The following GCC1 variants were observed in gnomAD, a reference collection of about 807,000 sequenced individuals.
The protein encoded by GCC1 is GRIP and coiled-coil domain containing 1, also known as GRIP and coiled-coil domain-containing protein 1.
GCC1 carries 36 observed loss-of-function variants against 62.5 expected under a neutral mutation model. The ratio of observed to expected loss-of-function variants is 0.58; its 90% confidence interval spans 0.44 to 0.76. The LOEUF (loss-of-function observed/expected upper bound fraction) is 0.76. Ranked by LOEUF, GCC1 falls within the 30% of genes least tolerant of loss-of-function variation. GCC1 has a pLI of 0.00. For missense variants in GCC1, 885 were observed against 948.3 expected, an observed-to-expected ratio of 0.93 and a Z score of 0.88; for synonymous variants, 391 against 386.8, an observed-to-expected ratio of 1.01 and a Z score of -0.13.
rs775013517 is a variant in GCC1, at chr7:127,584,994, G to A, written c.189C>T (p.His63=). Residue 63 remains histidine (H), a synonymous_variant, in exon 1 of 2, where the codon CAC becomes CAT. Coordinates refer to ENST00000321407, the MANE Select transcript of GCC1 (RefSeq NM_024523.6). ...EASIKVLSVS[H]EADVGLAGVQ... ...CACCTGCGAGGCCCACATCTGCCTC[G>A]TGGGATACCGACAGCACCTTGATGC... The A allele has an allele frequency of 1.2e-6, 2 of 1,614,214 alleles. No homozygotes were observed. The highest frequency in any genetic ancestry group is 2.2e-5 in the East Asian group (1 of 44,888).
At position 127,583,180 on chromosome 7, in the gene GCC1, G is replaced by T. The variant is rs1229630553; in HGVS notation, c.1162C>A (p.Gln388Lys). 2.5e-6 allele frequency: 4 copies of T among 1,613,844 alleles called. No individual in the cohort carries two copies. In the South Asian group the frequency reaches 3.3e-5, roughly 13 times the overall value. ...TCCTTCAGCTTCTGAATGGCCAGCT[G>T]GTCCTTCTGCTTGGCTTTCTCGTAG... ...GTYEKAKQKD[Q>K]LAIQKLKERI... Residue 388 changes from glutamine to lysine, a missense_variant, in exon 2 of 2, where the codon CAG (glutamine) becomes AAG (lysine). Transcript: ENST00000321407.
In GCC1 at chr7:127,580,887, G is replaced by C. The variant is rs954025705; in HGVS notation, c.*1127C>G. On this transcript the variant is annotated 3_prime_UTR_variant, in exon 2 of 2. Transcript: ENST00000321407. ...AGTAACAGTAGTTGGGAGAAAAGAA[G>C]GAATAAAGAAACTGAGTTTTCTGAG... is the stretch of plus-strand genomic sequence containing the variant. The C allele has an allele frequency of 2.0e-5, 3 of 152,158 alleles. No individual in the cohort carries two copies. The highest frequency in any genetic ancestry group is 7.2e-5 in the African/African-American group (3 of 41,438). The allele number at this position is 152,158 out of a possible 1,614,324, so 9.4% of individuals were successfully genotyped here.
chr7:127,585,236 C>A lies in GCC1; in HGVS notation c.-54G>T. Reference sequence around the variant, plus strand: ...AGCTTTCCAGCAGAACGGGAGAGGGCCGTGAAGACGCAGGCGGGGGCTTAA... The same window carrying A: ...AGCTTTCCAGCAGAACGGGAGAGGGACGTGAAGACGCAGGCGGGGGCTTAA... On this transcript the variant is annotated 5_prime_UTR_variant, in exon 1 of 2. Coordinates refer to ENST00000321407, the MANE Select transcript of GCC1 (RefSeq NM_024523.6). 1 of 1,489,256 alleles carries A rather than the reference C, an allele frequency of 6.7e-7. No individual in the cohort carries two copies. Among genetic ancestry groups the A allele is most frequent in the Non-Finnish European group, 9.0e-7 (1 of 1,112,622 alleles). 92.3% of individuals were successfully genotyped at this position (1,489,256 alleles called of 1,614,324 possible).
rs778057410 is a variant in GCC1, at chr7:127,582,298, G to A, written c.2044C>T (p.His682Tyr). 1.2e-6 allele frequency: 2 copies of A among 1,614,224 alleles called. No individual in the cohort carries two copies. The highest frequency in any genetic ancestry group is 8.5e-7 in the Non-Finnish European group (1 of 1,180,042). Reference sequence around the variant, plus strand: ...TCCAGCAGCCGATCCTGCAGCTGATGCACCTCGACCTCCAGCCTGTGCTTC... The same window carrying A: ...TCCAGCAGCCGATCCTGCAGCTGATACACCTCGACCTCCAGCCTGTGCTTC... ...KQKHRLEVEV[H>Y]QLQDRLLEEG... is the part of the protein sequence containing the mutation. Residue 682 changes from histidine (H) to tyrosine (Y), a missense_variant, in exon 2 of 2, where the codon CAT (histidine) becomes TAT (tyrosine). Physicochemically the swap from His to Tyr is moderately conservative, Grantham distance 83. Coordinates refer to ENST00000321407, the MANE Select transcript of GCC1 (RefSeq NM_024523.6). The surrounding 1 kb of genome is among the most constrained non-coding windows in gnomAD (Gnocchi z 4.8).
rs1794191272 is a variant in GCC1 at position 127,585,420 on chromosome 7, T to G, written c.-238A>C. On this transcript the variant is annotated 5_prime_UTR_variant, in exon 1 of 2. Coordinates refer to ENST00000321407, the MANE Select transcript of GCC1 (RefSeq NM_024523.6). ...TTCTACCCCGGAGGCGGGGCGACAC[T>G]GGCACCAGAGGTGCGCACTGCCAGG... The G allele has an allele frequency of 7.3e-6, 4 of 545,694 alleles. No homozygotes were observed. Among genetic ancestry groups the G allele is most frequent in the Non-Finnish European group, 1.3e-5 (4 of 308,426 alleles). 33.8% of individuals were successfully genotyped at this position (545,694 alleles called of 1,614,324 possible). A position where few individuals can be genotyped will look rare whatever the true frequency, so the allele number is the denominator to read the frequency against.
Position 127,585,551 on chromosome 7 carries a change from G to C in GCC1, c.-369C>G, listed in dbSNP as rs1254113397. ...CACGTCGGCCAGAGGGTTACGCTGA[G>C]CTCGGTCCCATCACGACATCCTAAC... On this transcript the variant is annotated 5_prime_UTR_variant, in exon 1 of 2. Transcript: ENST00000321407. 3 of 216,210 alleles carry C rather than the reference G, an allele frequency of 1.4e-5. No individual in the cohort carries two copies. Among genetic ancestry groups the C allele is most frequent in the African/African-American group, 6.9e-5 (3 of 43,344 alleles). The allele number at this position is 216,210 out of a possible 1,614,324, so 13.4% of individuals were successfully genotyped here. A position where few individuals can be genotyped will look rare whatever the true frequency, so the allele number is the denominator to read the frequency against.
rs1350190322 is a variant in GCC1 at position 127,581,767 on chromosome 7, C to T, written c.*247G>A. The T allele has an allele frequency of 9.5e-6, 5 of 528,472 alleles. No individual in the cohort carries two copies. Among genetic ancestry groups the T allele is most frequent in the African/African-American group, 1.9e-5 (1 of 52,512 alleles). 32.7% of individuals were successfully genotyped at this position (528,472 alleles called of 1,614,324 possible). ...AACTTCTGCACTTCTCAGTCCTAAC[C>T]TCATCTTCTCCTCACATGCACACCA... On this transcript the variant is annotated 3_prime_UTR_variant, in exon 2 of 2. Coordinates refer to ENST00000321407, the MANE Select transcript of GCC1 (RefSeq NM_024523.6).
chr7:127,583,767 G>GC (rs1794166681), intron 1 of GCC1, among the ~76,000 whole-genome samples: 1 of 152,182 alleles, frequency 6.6e-6, no homozygotes, highest in Non-Finnish European at 1.5e-5. Context: ...TAAAGGCAAT[G>GC]ACAAGAGGTT....
Position 127,584,273 on chromosome 7 carries a change from T to G in GCC1, c.910A>C (p.Ser304Arg). The change falls in exon 1 of 2, where the codon AGT becomes CGT. Residue 304 changes from serine to arginine, a missense_variant. Coordinates refer to ENST00000321407, the MANE Select transcript of GCC1 (RefSeq NM_024523.6). ...QLTREVEELK[S>R]ELQAIRDEKN... ...TCATCTCGAATGGCCTGCAGTTCAC[T>G]TTTCAGCTCCTCCACCTCACGGGTC... 6.2e-7 allele frequency: 1 copy of G among 1,613,708 alleles called. No individual in the cohort carries two copies. The highest frequency in any genetic ancestry group is 1.1e-5 in the South Asian group (1 of 91,036).
rs748826945 is a variant in GCC1, at chr7:127,582,227, G to T, written c.2115C>A (p.His705Gln). The T allele has an allele frequency of 6.2e-7, 1 of 1,614,170 alleles. No individual in the cohort carries two copies. Among genetic ancestry groups the T allele is most frequent in the African/African-American group, 1.3e-5 (1 of 75,040 alleles). The change falls in exon 2 of 2, where the codon CAC (histidine) becomes CAA (glutamine). Residue 705 changes from histidine (H) to glutamine (Q), a missense_variant. By Grantham distance (24) the His-to-Gln change is conservative. Coordinates refer to ENST00000321407, the MANE Select transcript of GCC1 (RefSeq NM_024523.6). The surrounding 1 kb of genome is among the most constrained non-coding windows in gnomAD (Gnocchi z 4.8). The stretch of plus-strand genomic sequence containing the variant: ...TCTGGTCCCTGATGTTCTTTTCGAT[G>T]TGGCTCTGCAGGGCTGCAACCTCCT... ...HREEVAALQS[H>Q]IEKNIRDQSR...
Position 127,584,945 on chromosome 7 carries a change from G to T in GCC1, c.238C>A (p.Pro80Thr). The T allele has an allele frequency of 1.2e-6, 2 of 1,614,226 alleles. No homozygotes were observed. The highest frequency in any genetic ancestry group is 1.7e-6 in the Non-Finnish European group (2 of 1,180,044). Residue 80 changes from proline (P) to threonine (T), a missense_variant, in exon 1 of 2, where the codon CCT becomes ACT. By Grantham distance (38) the Pro-to-Thr change is conservative. Transcript: ENST00000321407. ...GAGCACCGGTCATCCACAGAGTCAGGAAAGGTGAGGCCTGGAAGCTGGACA... is the reference window on the plus strand; with the variant it reads ...GAGCACCGGTCATCCACAGAGTCAGTAAAGGTGAGGCCTGGAAGCTGGACA... Reference protein sequence around the residue: ...AGVQLPGLTFPDSVDDRCSTH... With the variant: ...AGVQLPGLTFTDSVDDRCSTH...
rs1472645341 is a variant in GCC1, at chr7:127,581,418, T to C, written c.*596A>G. The C allele has an allele frequency of 6.5e-6, 1 of 153,272 alleles. No homozygotes were observed. Among genetic ancestry groups the C allele is most frequent in the Non-Finnish European group, 1.5e-5 (1 of 68,866 alleles). The allele number at this position is 153,272 out of a possible 1,614,324, so 9.5% of individuals were successfully genotyped here. A position where few individuals can be genotyped will look rare whatever the true frequency, so the allele number is the denominator to read the frequency against. On this transcript the variant is annotated 3_prime_UTR_variant, in exon 2 of 2. Transcript: ENST00000321407. ...GATGGTCATAAGCGGTGTGATTGCA[T>C]AGGTCATCCCCAGGCACTAATTAGA...
At position 127,584,770 on chromosome 7, in the gene GCC1, C is replaced by T. The variant is rs1437297953; in HGVS notation, c.413G>A (p.Ser138Asn). 1 of 1,614,262 alleles carries T rather than the reference C, an allele frequency of 6.2e-7. No homozygotes were observed. The highest frequency in any genetic ancestry group is 1.1e-5 in the South Asian group (1 of 91,090). Residue 138 changes from serine to asparagine, a missense_variant, in exon 1 of 2, where the codon AGT becomes AAT. Transcript: ENST00000321407. ...PKSEEASWSE[S>N]GVSSSSGDGP... ...ATCCCCACTGCTACTGCTAACGCCA[C>T]TCTCGGACCAACTGGCCTCTTCGGA...
In GCC1 at chr7:127,585,189, T is replaced by C; in HGVS notation, c.-7A>G. On this transcript the variant is annotated 5_prime_UTR_variant, in exon 1 of 2. Coordinates refer to ENST00000321407, the MANE Select transcript of GCC1 (RefSeq NM_024523.6). ...TCATCCCAAACTTCTCCATGGAGGG[T>C]CTGAACGGATTGCCCCACGTCAGCT... 1.3e-6 allele frequency: 2 copies of C among 1,575,580 alleles called. No individual in the cohort carries two copies. The highest frequency in any genetic ancestry group is 1.7e-6 in the Non-Finnish European group (2 of 1,160,576).
At chr7:127,583,978 A>G (rs1794168429) in intron 1 of GCC1, among the ~76,000 whole-genome samples, 173 bp downstream of exon 1, 1 of 152,208 alleles carries the variant, frequency 6.6e-6, no homozygotes, top group South Asian at 2.1e-4. Context: ...CTGGAAGCAC[A>G]TATGTCAACA....
chr7:127,583,414 G>A (rs1351064490), intron 1 of GCC1, 105 bp from the exon 2 acceptor site: 3 of 855,728 alleles, frequency 3.5e-6, no homozygotes, highest in Non-Finnish European at 5.4e-6. Context: ...GGGATGGCCT[G>A]GCAAGAATGC....
In GCC1 at chr7:127,585,278, C is replaced by G. The variant is rs1794189320; in HGVS notation, c.-96G>C. On this transcript the variant is annotated 5_prime_UTR_variant, in exon 1 of 2. Coordinates refer to ENST00000321407, the MANE Select transcript of GCC1 (RefSeq NM_024523.6). ...GGGGCTTAAAGAAACAGCGAGCGGG[C>G]TGTCCGGCGGCGGGCCGCACACCTA... 13 of 1,229,468 alleles carry G rather than the reference C, an allele frequency of 1.1e-5. No individual in the cohort carries two copies. The South Asian group carries it at 1.5e-4, about 14-fold the overall frequency. The allele number at this position is 1,229,468 out of a possible 1,614,324, so 76.2% of individuals were successfully genotyped here. A position where few individuals can be genotyped will look rare whatever the true frequency, so the allele number is the denominator to read the frequency against.
rs774255264 is a variant in GCC1 at position 127,585,163 on chromosome 7, T to A, written c.20A>T (p.Asn7Ile). The A allele has an allele frequency of 5.0e-6, 8 of 1,604,126 alleles. No homozygotes were observed. Among genetic ancestry groups the A allele is most frequent in the Non-Finnish European group, 6.8e-6 (8 of 1,175,122 alleles). MEKFGM[N>I]FGGGPSKKDL... is the part of the protein sequence containing the mutation. ...CTTCTTGCTCGGGCCGCCCCCGAAA[T>A]TCATCCCAAACTTCTCCATGGAGGG... is the stretch of plus-strand genomic sequence containing the variant. Residue 7 changes from asparagine to isoleucine, a missense_variant, in exon 1 of 2, where the codon AAT becomes ATT. Physicochemically the swap from Asn to Ile is moderately radical, Grantham distance 149. Transcript: ENST00000321407.
chr7:127,582,849 C>G lies in GCC1; in HGVS notation c.1493G>C (p.Arg498Thr). Residue 498 changes from arginine to threonine, a missense_variant, in exon 2 of 2, where the codon AGA (arginine) becomes ACA (threonine). Coordinates refer to ENST00000321407, the MANE Select transcript of GCC1 (RefSeq NM_024523.6). This position sits in a 1 kb window ranked among gnomAD's most constrained non-coding sequence, Gnocchi z 4.8. Reference sequence around the variant, plus strand: ...CTTGCTTTTGAGGACAACCTGGGCTCTCATCTTGTACCTCTCAAACTCTTC... The same window carrying G: ...CTTGCTTTTGAGGACAACCTGGGCTGTCATCTTGTACCTCTCAAACTCTTC... The part of the protein sequence containing the change: ...LKEEFERYKM[R>T]AQVVLKSKNT... 6.2e-7 allele frequency: 1 copy of G among 1,614,194 alleles called. No homozygotes were observed.
Sources: gnomAD v4.1 joint callset for allele counts (sites outside exome capture counted in the v4.1 genomes callset) on GRCh38, gnomAD v4.1.1 for gene constraint, Gnocchi (gnomAD v3.1) non-coding constraint, MANE v1.5 for transcripts, NCBI Gene and HGNC (gene_info 2026-07-23, HGNC 2026-07-21) for gene names.